The following C8orf34 variants were observed in gnomAD, a reference collection of about 807,000 sequenced individuals.
The protein encoded by C8orf34 is chromosome 8 open reading frame 34, also known as uncharacterized protein C8orf34.
A neutral mutation model predicts 68.3 loss-of-function variants in C8orf34; 65 were observed. The ratio of observed to expected loss-of-function variants is 0.95; its 90% CI spans 0.78 to 1.17. The LOEUF is 1.17. Among genes scored for constraint, C8orf34 ranks in the 50% most tolerant of loss-of-function variants. C8orf34 has a pLI of 0.00. For synonymous variants in C8orf34, 244 were observed against 241.2 expected, an observed-to-expected ratio of 1.01 and a Z score of -0.11; for missense variants, 664 against 655.4, an observed-to-expected ratio of 1.01 and a Z score of -0.14.
chr8:68,738,713 C>T (rs1411711686), intron 10 of C8orf34, among the ~76,000 whole-genome samples: 1 of 152,054 alleles, frequency 6.6e-6, no homozygotes, highest in Non-Finnish European at 1.5e-5. Flanking sequence ...TGTATACATA[C>T]ATCCTCCCAA....
At chr8:68,739,718 T>C (rs916349928) in intron 10 of C8orf34, among the ~76,000 whole-genome samples, 3 of 152,108 alleles carry the variant, frequency 2.0e-5, no homozygotes, top group African/African-American at 7.2e-5. Flanking sequence ...AATGACATTA[T>C]TCACAGAACT....
At chr8:68,756,993 A>G (rs1314201817) in intron 10 of C8orf34, among the ~76,000 whole-genome samples, 1 of 152,190 alleles carries the variant, frequency 6.6e-6, no homozygotes. Flanking sequence ...CAAGTATACT[A>G]TTCATGAATT....
intron 12 of C8orf34, among the ~76,000 whole-genome samples, chr8:68,794,738 C>T (rs1824128609): frequency 6.6e-6 from 1 of 151,396 alleles, no homozygotes; most frequent in Non-Finnish European, 1.5e-5. Context: ...CTGTCTGCCT[C>T]AGCTTCCCAA....
chr8:68,383,705 C>G (rs558348704), intron 1 of C8orf34, among the ~76,000 whole-genome samples: 1 of 152,188 alleles, frequency 6.6e-6, no homozygotes, highest in East Asian at 1.9e-4. Flanking sequence ...ACTACATCCT[C>G]GACTGCAGCC....
intron 12 of C8orf34, chr8:68,791,105 C>A: frequency 1.9e-6 from 1 of 521,980 alleles, no homozygotes; most frequent in South Asian, 3.2e-5. Flanking sequence ...GTGTATTAGT[C>A]GGTTTTCACA....
chr8:68,368,784 A>G (rs189225977), intron 1 of C8orf34, among the ~76,000 whole-genome samples: 132 of 152,308 alleles, frequency 8.7e-4, no homozygotes, highest in African/African-American at 2.4e-3. Context: ...TAAATGTTAA[A>G]CCAACTTTGC....
chr8:68,403,912 C>G (rs918083637), intron 1 of C8orf34, among the ~76,000 whole-genome samples: 1 of 152,152 alleles, frequency 6.6e-6, no homozygotes, highest in Admixed American at 6.5e-5. Flanking sequence ...AATGGGATTA[C>G]TGGGTCAAAT....
intron 5 of C8orf34, among the ~76,000 whole-genome samples, chr8:68,491,085 T>G (rs1265281111): frequency 6.6e-6 from 1 of 152,214 alleles, no homozygotes; most frequent in Non-Finnish European, 1.5e-5. Flanking sequence ...AATATGGAAT[T>G]TTTTAACCAT....
chr8:68,646,026 T>A (rs576311501), intron 8 of C8orf34, among the ~76,000 whole-genome samples: 1 of 152,306 alleles, frequency 6.6e-6, no homozygotes, highest in East Asian at 1.9e-4. Flanking sequence ...CCAGAATTCC[T>A]CTTCCTGGGT....
intron 12 of C8orf34, among the ~76,000 whole-genome samples, chr8:68,797,075 C>T (rs1420576470): frequency 1.3e-5 from 2 of 152,174 alleles, no homozygotes; most frequent in East Asian, 1.9e-4. Context: ...GATCCACCCA[C>T]CTTGGCCTCC....
At chr8:68,553,709 T>C (rs117456191) in intron 7 of C8orf34, among the ~76,000 whole-genome samples, 3,565 of 152,208 alleles carry the variant, frequency 0.023, 68 homozygotes, top group Admixed American at 0.053. Context: ...TATTTCTGAT[T>C]TTAGTAATTT....
chr8:68,652,991 G>A (rs1819406908), intron 8 of C8orf34, among the ~76,000 whole-genome samples: 1 of 152,128 alleles, frequency 6.6e-6, no homozygotes, highest in African/African-American at 2.4e-5. Context: ...TAACAGTGTT[G>A]TGTTCCTACT....
chr8:68,476,389 G>A (rs1229975399), intron 4 of C8orf34, among the ~76,000 whole-genome samples: 1 of 152,206 alleles, frequency 6.6e-6, no homozygotes, highest in Non-Finnish European at 1.5e-5. Flanking sequence ...GGTACAGTAG[G>A]AGGAGAGTCA....
intron 5 of C8orf34, among the ~76,000 whole-genome samples, chr8:68,491,949 C>T (rs1813331410): frequency 6.6e-6 from 1 of 152,128 alleles, no homozygotes; most frequent in Non-Finnish European, 1.5e-5. Context: ...GCCCAGTTTC[C>T]CTCCAGTAGG....
intron 1 of C8orf34, among the ~76,000 whole-genome samples, chr8:68,389,391 A>G (rs2129620541): frequency 6.6e-6 from 1 of 152,314 alleles, no homozygotes; most frequent in South Asian, 2.1e-4. Context: ...TATGTATGCT[A>G]TTAAGTGCTA....
At chr8:68,549,287 T>C (rs1815987502) in intron 7 of C8orf34, among the ~76,000 whole-genome samples, 1 of 151,862 alleles carries the variant, frequency 6.6e-6, no homozygotes, top group Non-Finnish European at 1.5e-5. Context: ...TTTTGTCACC[T>C]TTAGCTAACT....
At chr8:68,756,266 C>A (rs1451122528) in intron 10 of C8orf34, among the ~76,000 whole-genome samples, 1 of 152,072 alleles carries the variant, frequency 6.6e-6, no homozygotes, top group Non-Finnish European at 1.5e-5. Context: ...ACATTTGCAG[C>A]CTCAAAGGGA....
chr8:68,336,941 G>T lies in C8orf34; in HGVS notation c.327+5602G>T, dbSNP rs1331585855. Among the ~76,000 whole-genome samples, 3 of 152,206 alleles carry T rather than the reference G, an allele frequency of 2.0e-5. No individual in the cohort carries two copies. The East Asian group carries it at 5.8e-4, about 29-fold the overall frequency. On this transcript the variant is annotated intron_variant, in intron 1 of 13. Coordinates refer to ENST00000518698, the MANE Select transcript of C8orf34 (RefSeq NM_052958.4). ...CAGATTATTTTACTGAATAAAATAG[G>T]AATATTTTACTTCACTGGGATCTAA...
At chr8:68,416,111 G>A (rs1489790648) in intron 1 of C8orf34, among the ~76,000 whole-genome samples, 1 of 152,176 alleles carries the variant, frequency 6.6e-6, no homozygotes, top group African/African-American at 2.4e-5. Flanking sequence ...AACTATGTGA[G>A]CAGAAGGTGG....
Sources: allele counts gnomAD v4.1 joint callset (sites outside exome capture counted in the v4.1 genomes callset), GRCh38; gene constraint gnomAD v4.1.1; transcripts MANE v1.5; gene names NCBI Gene and HGNC (gene_info 2026-07-23, HGNC 2026-07-21).